Variants in MACROD2 observed in about 807,000 individuals in gnomAD.
MACROD2 encodes ADP-ribose glycohydrolase MACROD2.
Under a neutral mutation model 70.4 loss-of-function variants are expected in MACROD2, and 36 were observed. That is an observed-to-expected ratio of 0.51 (90% CI 0.39 to 0.68). The LOEUF is 0.68. Ranked by LOEUF, MACROD2 falls within the 30% of genes least tolerant of loss-of-function variation. The probability of loss-of-function intolerance (pLI) is 0.00; values close to 1 mark genes in which losing one functional copy is unlikely to be tolerated. For missense variants in MACROD2, 496 were observed against 538.4 expected (o/e 0.92, Z 0.78); for synonymous variants, 172 against 178.8 (o/e 0.96, Z 0.30).
chr20:15,573,078 A>G (rs1024530945), intron 8 of MACROD2, among the ~76,000 whole-genome samples: 1 of 152,150 alleles, frequency 6.6e-6, no homozygotes, highest in African/African-American at 2.4e-5. Flanking sequence ...GGAACACCGT[A>G]AGGCACATAA....
chr20:14,363,363 AGG>A (rs762216293), intron 3 of MACROD2, among the ~76,000 whole-genome samples: 1 of 152,124 alleles, frequency 6.6e-6, no homozygotes, highest in African/African-American at 2.4e-5. Flanking sequence ...GAAGTGAAAG[AGG>A]TGATATATGA....
At chr20:14,931,473 A>G (rs915853859) in intron 5 of MACROD2, among the ~76,000 whole-genome samples, 6 of 151,980 alleles carry the variant, frequency 3.9e-5, no homozygotes, top group Non-Finnish European at 1.5e-5. Flanking sequence ...CTCCAGCTTG[A>G]CCACTCCTGG....
intron 7 of MACROD2, among the ~76,000 whole-genome samples, chr20:15,461,004 A>ATTTTTTT (rs1441910465): frequency 2.1e-5 from 1 of 47,752 alleles, no homozygotes; most frequent in African/African-American, 5.7e-5. Flanking sequence ...ATATATATAT[A>ATTTTTTT]TATTTTTTTT....
intron 8 of MACROD2, among the ~76,000 whole-genome samples, chr20:15,827,043 CT>C (rs895603114): frequency 6.6e-6 from 1 of 152,132 alleles, no homozygotes; most frequent in Non-Finnish European, 1.5e-5. Flanking sequence ...TAGAACTTTT[CT>C]TTTGGGTAGC....
chr20:14,380,416 T>A (rs1264342868), intron 3 of MACROD2, among the ~76,000 whole-genome samples: 1 of 152,132 alleles, frequency 6.6e-6, no homozygotes, highest in Non-Finnish European at 1.5e-5. Context: ...TTAATTTTGA[T>A]GATATCCAAC....
In MACROD2 at chr20:15,099,893, AT is replaced by A. The variant is rs1037422958; in HGVS notation, c.419-130046del. ...AATTCTGGTGAGGTCTCAGATGGAAATGAGAAACATGTTGTTGGAAACTGGA... is the reference window on the plus strand; with the variant it reads ...AATTCTGGTGAGGTCTCAGATGGAAAGAGAAACATGTTGTTGGAAACTGGA... On this transcript the variant is annotated intron_variant, in intron 5 of 17. Coordinates refer to ENST00000684519, the MANE Select transcript of MACROD2 (RefSeq NM_001351661.2). Among the ~76,000 whole-genome samples the A allele has an allele frequency of 1.4e-3, 210 of 152,062 alleles. 4 individuals are homozygous for A. The highest frequency in any genetic ancestry group is 0.014 in the Admixed American group (207 of 15,258).
chr20:14,263,901 G>C, intron 3 of MACROD2, among the ~76,000 whole-genome samples: 1 of 150,648 alleles, frequency 6.6e-6, no homozygotes, highest in South Asian at 2.1e-4. Context: ...GAGCCCAGGA[G>C]GTCACGGCTG....
intron 10 of MACROD2, among the ~76,000 whole-genome samples, chr20:15,918,729 G>A (rs995599885): frequency 3.9e-5 from 6 of 152,230 alleles, no homozygotes; most frequent in African/African-American, 1.4e-4. Flanking sequence ...GTTGCTGTAA[G>A]ATTGTTCTCC....
At chr20:14,554,450 C>G (rs1978887185) in intron 4 of MACROD2, 1 of 152,106 alleles carries the variant, frequency 6.6e-6, no homozygotes, top group African/African-American at 2.4e-5. Context: ...AGAATTCCAA[C>G]CTGGAGAATC....
intron 12 of MACROD2, among the ~76,000 whole-genome samples, chr20:15,949,422 G>A (rs2065874578): frequency 1.3e-5 from 2 of 152,262 alleles, no homozygotes; most frequent in African/African-American, 4.8e-5. Flanking sequence ...GAGAGGTTCA[G>A]TAACAGGTAA....
At chr20:14,434,890 A>G (rs953238049) in intron 3 of MACROD2, among the ~76,000 whole-genome samples, 1 of 152,124 alleles carries the variant, frequency 6.6e-6, no homozygotes, top group Non-Finnish European at 1.5e-5. Context: ...ATTCTCATCT[A>G]TATACATTGA....
At chr20:15,763,662 A>G (rs1375047682) in intron 8 of MACROD2, among the ~76,000 whole-genome samples, 41 of 141,186 alleles carry the variant, frequency 2.9e-4, no homozygotes, top group Non-Finnish European at 1.5e-5. Context: ...CAGAAATCAG[A>G]TCCAAATAAT....
intron 5 of MACROD2, among the ~76,000 whole-genome samples, chr20:15,222,295 AATTG>A (rs1335067478): frequency 1.3e-5 from 2 of 152,192 alleles, no homozygotes; most frequent in Admixed American, 6.5e-5. Flanking sequence ...TCTTATAGAC[AATTG>A]ATTGTTTCTT....
At chr20:15,661,095 T>C (rs1884809233) in intron 8 of MACROD2, among the ~76,000 whole-genome samples, 1 of 152,162 alleles carries the variant, frequency 6.6e-6, no homozygotes, top group African/African-American at 2.4e-5. Context: ...AAACCAGTGA[T>C]TCTTAACTAG....
intron 4 of MACROD2, among the ~76,000 whole-genome samples, chr20:14,595,276 G>A (rs1387859606): frequency 6.6e-6 from 1 of 152,058 alleles, no homozygotes; most frequent in Non-Finnish European, 1.5e-5. Flanking sequence ...AGCACGGTGG[G>A]GTTTATTGGA....
intron 3 of MACROD2, among the ~76,000 whole-genome samples, chr20:14,378,393 T>C (rs538523833): frequency 2.0e-5 from 3 of 152,262 alleles, no homozygotes; most frequent in Non-Finnish European, 4.4e-5. Flanking sequence ...CTGTCCCTAG[T>C]TGTAGCTCAC....
At chr20:15,678,046 A>G (rs946855303) in intron 8 of MACROD2, among the ~76,000 whole-genome samples, 3 of 149,378 alleles carry the variant, frequency 2.0e-5, no homozygotes, top group Non-Finnish European at 4.4e-5. Flanking sequence ...GCCTGGCAAC[A>G]GAACCAGACT....
intron 3 of MACROD2, among the ~76,000 whole-genome samples, chr20:14,443,120 A>G (rs1414089341): frequency 6.6e-6 from 1 of 151,608 alleles, no homozygotes; most frequent in East Asian, 2.0e-4. Flanking sequence ...TGAGTGTGGT[A>G]ATACTGACCC....
intron 6 of MACROD2, among the ~76,000 whole-genome samples, chr20:15,371,338 A>G (rs1568756365): frequency 6.6e-6 from 1 of 152,160 alleles, no homozygotes; most frequent in African/African-American, 2.4e-5. Context: ...GACAATTTCC[A>G]AAGTAAGTGG....
Sources: allele counts gnomAD v4.1 joint callset (sites outside exome capture counted in the v4.1 genomes callset), GRCh38; gene constraint gnomAD v4.1.1; transcripts MANE v1.5; gene names NCBI Gene and HGNC (gene_info 2026-07-23, HGNC 2026-07-21).